Variants in IMMT observed in about 807,000 individuals in gnomAD.
The protein encoded by IMMT is inner membrane mitochondrial protein, also known as MICOS complex subunit MIC60.
IMMT carries 40 observed loss-of-function variants against 92.7 expected under a neutral mutation model. The ratio of observed to expected loss-of-function variants is 0.43; its 90% CI spans 0.34 to 0.56. IMMT has a LOEUF of 0.56. Among genes scored for constraint, IMMT ranks in the 20% least tolerant of loss-of-function variants. IMMT has a pLI of 0.03. For synonymous variants in IMMT, 322 were observed against 336.1 expected, an observed-to-expected ratio of 0.96 and a Z score of 0.46; for missense variants, 831 against 912.1, an observed-to-expected ratio of 0.91 and a Z score of 1.14.
chr2:86,184,138 A>G (rs888473829), intron 1 of IMMT, among the ~76,000 whole-genome samples: 2 of 152,128 alleles, frequency 1.3e-5, no homozygotes, highest in African/African-American at 4.8e-5. Flanking sequence ...CTGAGGGGTG[A>G]AAATACAGAA....
At chr2:86,158,543 A>C in intron 10 of IMMT, 49 bp downstream of exon 10, 1 of 1,463,656 alleles carries the variant, frequency 6.8e-7, no homozygotes, top group Non-Finnish European at 9.3e-7. Flanking sequence ...AGATTCATTG[A>C]TTAGTGGTTA....
chr2:86,147,717 C>T lies in IMMT; in HGVS notation c.1518G>A (p.Lys506=). 6.2e-7 allele frequency: 1 copy of T among 1,613,386 alleles called. No individual in the cohort carries two copies. The change falls in exon 13 of 15, where the codon AAG becomes AAA. Residue 506 remains lysine, a synonymous_variant. Transcript: ENST00000410111. ...AGGTCCTCACCTGCTCAAATTCAGA[C>T]TTCAATTCCTGTTCTTGTACCCTAA... ...DVLRVQEQEL[K]SEFEQNLSEK...
At position 86,151,434 on chromosome 2, in the gene IMMT, G is replaced by C; in HGVS notation, c.1264C>G (p.Gln422Glu). 6.2e-7 allele frequency: 1 copy of C among 1,613,946 alleles called. No individual in the cohort carries two copies. Among genetic ancestry groups the C allele is most frequent in the Non-Finnish European group, 8.5e-7 (1 of 1,179,874 alleles). ...IDQLNRELAE[Q>E]KATEKQHITL... ...ATGTGCTGCTTTTCGGTGGCCTTCT[G>C]TTCTGCCAGCTCTCTGTTCAGCTGA... The change falls in exon 12 of 15, where the codon CAG becomes GAG. Residue 422 changes from glutamine (Q) to glutamate (E), a missense_variant. Physicochemically the swap from Gln to Glu is conservative, Grantham distance 29. Transcript: ENST00000410111.
intron 2 of IMMT, 73 bp from the exon 3 acceptor site, chr2:86,179,695 C>A: frequency 2.3e-6 from 3 of 1,302,708 alleles, no homozygotes; most frequent in Non-Finnish European, 3.1e-6. Flanking sequence ...ACCAATGTAA[C>A]CATCTCGAAG....
intron 4 of IMMT, 135 bp from the exon 5 acceptor site, chr2:86,171,480 T>C: frequency 1.3e-6 from 1 of 776,982 alleles, no homozygotes; most frequent in Non-Finnish European, 2.2e-6. Context: ...TGCCACATGT[T>C]TGAATAACAC....
intron 4 of IMMT, among the ~76,000 whole-genome samples, chr2:86,172,340 GA>G (rs1248958511): frequency 1.3e-5 from 2 of 151,312 alleles, no homozygotes; most frequent in Non-Finnish European, 2.9e-5. Context: ...CCCAGCATAT[GA>G]AACAATGTTT....
chr2:86,152,679 T>C (rs370898858), intron 11 of IMMT, among the ~76,000 whole-genome samples: 1 of 152,002 alleles, frequency 6.6e-6, no homozygotes, highest in East Asian at 1.9e-4. Context: ...GAGAATTGCC[T>C]GAACCCAGGA....
Position 86,179,523 on chromosome 2 carries a change from T to C in IMMT, c.219A>G (p.Glu73=), listed in dbSNP as rs1677684786. The change falls in exon 3 of 15, where the codon GAA becomes GAG. Residue 73 remains glutamate (E), a synonymous_variant. Coordinates refer to ENST00000410111, the MANE Select transcript of IMMT (RefSeq NM_006839.3). ...AGTAAGGTATGGTTTTCTCTACACT[T>C]TCCCGGAAATGGGAATCCCATTTGG... ...LYAKWDSHFR[E]SVEKTIPYSD... is the part of the protein sequence containing the mutation. 6.2e-7 allele frequency: 1 copy of C among 1,613,354 alleles called. No individual in the cohort carries two copies. The highest frequency in any genetic ancestry group is 1.3e-5 in the African/African-American group (1 of 74,910).
intron 12 of IMMT, among the ~76,000 whole-genome samples, chr2:86,148,209 C>T (rs534934757): frequency 4.6e-5 from 7 of 152,354 alleles, no homozygotes; most frequent in East Asian, 1.9e-4. Context: ...TGGAATCAAG[C>T]GTAGCTTTAC....
chr2:86,165,741 A>C (rs1676630157), intron 7 of IMMT, among the ~76,000 whole-genome samples: 1 of 112,242 alleles, frequency 8.9e-6, no homozygotes, highest in African/African-American at 3.6e-5. Flanking sequence ...TCATTCTTTG[A>C]AGTGTTTCGC....
At chr2:86,184,259 C>T (rs1672611707) in intron 1 of IMMT, among the ~76,000 whole-genome samples, 1 of 152,048 alleles carries the variant, frequency 6.6e-6, no homozygotes, top group Non-Finnish European at 1.5e-5. Flanking sequence ...TAACCTCTAA[C>T]TCCTGGGCTC....
chr2:86,175,116 AATTTCTTTTCCTGTGTCCC>A (rs1677342234), intron 3 of IMMT, among the ~76,000 whole-genome samples: 3 of 152,268 alleles, frequency 2.0e-5, no homozygotes, highest in East Asian at 3.9e-4. Context: ...TTATTCCTCT[AATTTCTTTTCCTGTGTCCC>A]AACCTTATTT....
In IMMT at chr2:86,144,216, C is replaced by G; in HGVS notation, c.*52G>C. 6.3e-7 allele frequency: 1 copy of G among 1,597,810 alleles called. No individual in the cohort carries two copies. Among genetic ancestry groups the G allele is most frequent in the Middle Eastern group, 1.7e-4 (1 of 5,994 alleles). ...CTCGCTGCGAACCCTTCATCTATCA[C>G]TGCTGATTTCCTTTGACATGAAATA... On this transcript the variant is annotated 3_prime_UTR_variant, in exon 15 of 15. Transcript: ENST00000410111.
At chr2:86,175,654 T>G (rs151122651) in intron 3 of IMMT, among the ~76,000 whole-genome samples, 1 of 151,370 alleles carries the variant, frequency 6.6e-6, no homozygotes, top group African/African-American at 2.4e-5. Flanking sequence ...ACTAAAAAGG[T>G]TACTATGAAA....
At position 86,144,703 on chromosome 2, in the gene IMMT, T is replaced by C. The variant is rs562873624; in HGVS notation, c.1842A>G (p.Ala614=). Residue 614 remains alanine, a synonymous_variant, in exon 15 of 15, where the codon GCA becomes GCG. Coordinates refer to ENST00000410111, the MANE Select transcript of IMMT (RefSeq NM_006839.3). ...SDNEFTQALT[A]AIPPESLTRG... ...GGGTCAGGGACTCTGGAGGGATAGC[T>C]GCGGTTAAAGCTTGGGTGAATTCAT... The C allele has an allele frequency of 2.5e-6, 4 of 1,614,016 alleles. No homozygotes were observed. The South Asian group carries it at 4.4e-5, about 18-fold the overall frequency.
intron 3 of IMMT, among the ~76,000 whole-genome samples, chr2:86,174,870 C>A (rs1266873959): frequency 6.6e-6 from 1 of 152,148 alleles, no homozygotes; most frequent in Non-Finnish European, 1.5e-5. Flanking sequence ...CAAATTGTTT[C>A]CTGTTTTGTT....
At position 86,171,296 on chromosome 2, in the gene IMMT, C is replaced by G; in HGVS notation, c.471G>C (p.Ser157=). The G allele has an allele frequency of 5.0e-6, 8 of 1,610,490 alleles. No individual in the cohort carries two copies. The highest frequency in any genetic ancestry group is 5.9e-6 in the Non-Finnish European group (7 of 1,178,068). ...QIISAAGDTL[S]VPAPAVQPEE... The stretch of plus-strand genomic sequence containing the variant: ...CAGGCTGAACTGCAGGGGCTGGGAC[C>G]GACAGGGTATCACCTGCTGCAGAAA... Residue 157 remains serine, a synonymous_variant, in exon 5 of 15, where the codon TCG becomes TCC. Coordinates refer to ENST00000410111, the MANE Select transcript of IMMT (RefSeq NM_006839.3).
In IMMT at chr2:86,181,283, G is replaced by C; in HGVS notation, c.119+16C>G. ...ACACAGTGAAAAGCCTGGTTATAGG[G>C]AGACATAATACATACCCAGAGCTGC... On this transcript the variant is annotated intron_variant, in intron 2 of 14. Transcript: ENST00000410111. 1 of 1,598,206 alleles carries C rather than the reference G, an allele frequency of 6.3e-7. No individual in the cohort carries two copies. Among genetic ancestry groups the C allele is most frequent in the Non-Finnish European group, 8.6e-7 (1 of 1,165,684 alleles).
chr2:86,170,263 T>A (rs940573827), intron 6 of IMMT, among the ~76,000 whole-genome samples: 13 of 151,948 alleles, frequency 8.6e-5, no homozygotes, highest in African/African-American at 4.8e-5. Context: ...AAAAAATTTT[T>A]AAAAAATTAG....
Sources: allele counts gnomAD v4.1 joint callset (sites outside exome capture counted in the v4.1 genomes callset), GRCh38; gene constraint gnomAD v4.1.1; transcripts MANE v1.5; gene names NCBI Gene and HGNC (gene_info 2026-07-23, HGNC 2026-07-21).